Variants in DIP2A observed in about 807,000 individuals in gnomAD.
DIP2A encodes the protein DIP2 acetate--CoA ligase A, also known as disco-interacting protein 2 homolog A.
Under a neutral mutation model 177.4 loss-of-function variants are expected in DIP2A, and 85 were observed. That is an observed-to-expected ratio of 0.48 (90% confidence interval 0.40 to 0.57). DIP2A has a LOEUF of 0.57. DIP2A is among the 20% of genes least tolerant of loss of function. The probability of loss-of-function intolerance (pLI) is 0.00; values close to 1 mark genes in which losing one functional copy is unlikely to be tolerated. For synonymous variants in DIP2A, 886 were observed against 881.8 expected, an observed-to-expected ratio of 1.00 and a Z score of -0.08; for missense variants, 1,791 against 2,100.2, an observed-to-expected ratio of 0.85 and a Z score of 2.88.
chr21:46,557,698 A>G lies in DIP2A; in HGVS notation c.3743A>G (p.Tyr1248Cys), dbSNP rs1342577826. 3 of 1,613,302 alleles carry G rather than the reference A, an allele frequency of 1.9e-6. No individual in the cohort carries two copies. Among genetic ancestry groups the G allele is most frequent in the Middle Eastern group, 1.7e-4 (1 of 6,060 alleles). Reference protein sequence around the residue: ...QYKARVTFCSYSVMEMCTKGL... With the variant: ...QYKARVTFCSCSVMEMCTKGL... ...AAGGCCCGCGTCACCTTCTGCTCCT[A>G]CTCTGTGATGGAGATGTGCACCAAG... Residue 1248 changes from tyrosine (Y) to cysteine (C), a missense_variant, in exon 31 of 38, where the codon TAC becomes TGC. Physicochemically the swap from Tyr to Cys is radical, Grantham distance 194. Coordinates refer to ENST00000417564, the MANE Select transcript of DIP2A (RefSeq NM_015151.4). The surrounding 1 kb of genome is among the most constrained non-coding windows in gnomAD (Gnocchi z 6.0).
chr21:46,550,774 C>G (rs767603794), intron 23 of DIP2A, 30 bp downstream of exon 23: 12 of 1,609,048 alleles, frequency 7.5e-6, no homozygotes, highest in Non-Finnish European at 9.4e-6. Context: ...AGGATGCTCT[C>G]TAGTCTAACA....
At chr21:46,530,758 G>T (rs771952419) in intron 9 of DIP2A, among the ~76,000 whole-genome samples, 1 of 152,094 alleles carries the variant, frequency 6.6e-6, no homozygotes, top group Non-Finnish European at 1.5e-5. Flanking sequence ...ACACCAAAAC[G>T]CATGCCCATA....
chr21:46,550,566 G>C lies in DIP2A; in HGVS notation c.2661G>C (p.Val887=). 3 of 1,613,414 alleles carry C rather than the reference G, an allele frequency of 1.9e-6. No homozygotes were observed. The Middle Eastern group carries it at 5.0e-4, about 266-fold the overall frequency. The part of the protein sequence containing the change: ...VLQAIDSIHQ[V]GVYCLALVPA... ...AGGCCATTGATAGCATCCACCAGGT[G>C]GGCGTGTACTGTCTGGCCCTGGTTC... The change falls in exon 23 of 38, where the codon GTG becomes GTC. Residue 887 remains valine, a synonymous_variant. Coordinates refer to ENST00000417564, the MANE Select transcript of DIP2A (RefSeq NM_015151.4).
chr21:46,463,651 G>A (rs1247144685), intron 1 of DIP2A, among the ~76,000 whole-genome samples: 2 of 150,856 alleles, frequency 1.3e-5, no homozygotes, highest in Non-Finnish European at 3.0e-5. Flanking sequence ...CTCTTTAACT[G>A]TCTTTAATTT....
downstream of DIP2A, among the ~76,000 whole-genome samples, chr21:46,570,545 T>C (rs1335511267): frequency 2.0e-5 from 3 of 152,230 alleles, no homozygotes; most frequent in Middle Eastern, 3.4e-3. Context: ...TTGTGGGTTA[T>C]TTGTATTTTG....
intron 26 of DIP2A, 114 bp downstream of exon 26, chr21:46,554,406 T>G: frequency 6.4e-7 from 1 of 1,553,644 alleles, no homozygotes; most frequent in Non-Finnish European, 8.7e-7. Flanking sequence ...GCTCAGCCCC[T>G]CCTCTCTGCA....
chr21:46,547,147 C>A, intron 21 of DIP2A, 105 bp downstream of exon 21: 2 of 1,488,694 alleles, frequency 1.3e-6, no homozygotes, highest in Admixed American at 2.4e-5. Flanking sequence ...ATTCACAAAG[C>A]CTAAAAATTG....
At chr21:46,554,985 A>AGGTGT in intron 28 of DIP2A, 52 bp downstream of exon 28, 9 of 1,518,418 alleles carry the variant, frequency 5.9e-6, no homozygotes, top group Non-Finnish European at 8.0e-6. Flanking sequence ...TCTTTGTTGT[A>AGGTGT]GGTGTGGTGT....
Position 46,539,781 on chromosome 21 carries a change from T to C in DIP2A, c.1922-96T>C, listed in dbSNP as rs775120085. 118 of 1,011,124 alleles carry C rather than the reference T, an allele frequency of 1.2e-4. No individual in the cohort carries two copies. The African/African-American group carries it at 1.7e-3, about 15-fold the overall frequency. The allele number at this position is 1,011,124 out of a possible 1,614,324, so 62.6% of individuals were successfully genotyped here. ...TGCTGATGCAGCCCTGTGGTTCCGA[T>C]GGCCGCAGGCTGCGCTAACTTGAGC... On this transcript the variant is annotated intron_variant, in intron 16 of 37. Transcript: ENST00000417564.
chr21:46,529,299 A>T (rs1601693556), intron 9 of DIP2A, 116 bp downstream of exon 9: 3 of 712,808 alleles, frequency 4.2e-6, no homozygotes, highest in Non-Finnish European at 4.5e-6. Flanking sequence ...AATACAAGGG[A>T]TTTAAAATCA....
chr21:46,466,433 C>T (rs2054839696), intron 1 of DIP2A, among the ~76,000 whole-genome samples: 1 of 145,222 alleles, frequency 6.9e-6, no homozygotes, highest in Non-Finnish European at 1.5e-5. Context: ...ACTGCAACCT[C>T]TGCCTCCCAG....
chr21:46,558,802 A>T (rs757427020), intron 32 of DIP2A: 36 of 268,468 alleles, frequency 1.3e-4, no homozygotes, highest in Non-Finnish European at 2.1e-4. Context: ...TATTAAAAGG[A>T]AGCACCAAGT....
At chr21:46,462,096 G>A (rs528648156) in intron 1 of DIP2A, among the ~76,000 whole-genome samples, 24 of 152,256 alleles carry the variant, frequency 1.6e-4, no homozygotes, top group African/African-American at 5.3e-4. Flanking sequence ...TAGTAGAGTG[G>A]CAGCCAAGGA....
intron 1 of DIP2A, among the ~76,000 whole-genome samples, chr21:46,480,300 CTT>C (rs1270344240): frequency 3.3e-5 from 5 of 152,100 alleles, no homozygotes; most frequent in Admixed American, 1.3e-4. Context: ...GGGAACTGTC[CTT>C]TTATAAAACC....
chr21:46,559,444 G>GC (rs1460421629), intron 32 of DIP2A, among the ~76,000 whole-genome samples: 1 of 152,250 alleles, frequency 6.6e-6, no homozygotes. Flanking sequence ...GCAGGGCAGG[G>GC]CGGGGGCTCT....
chr21:46,531,097 A>G (rs1188772519), intron 9 of DIP2A, among the ~76,000 whole-genome samples: 1 of 152,062 alleles, frequency 6.6e-6, no homozygotes, highest in Non-Finnish European at 1.5e-5. Context: ...TGCAAGCAGG[A>G]GGACCACAGT....
rs200773369 is a variant in DIP2A at position 46,550,667 on chromosome 21, C to T, written c.2762C>T (p.Thr921Met). The stretch of plus-strand genomic sequence containing the variant: ...ACCAAACAGCGCTTTCTGGAAGGGA[C>T]GCTGCACCCGTGTAATGTGCTGATG... ...SETKQRFLEG[T>M]LHPCNVLMCP... is the part of the protein sequence containing the mutation. Residue 921 changes from threonine to methionine, a missense_variant, in exon 23 of 38, where the codon ACG becomes ATG. Thr to Met is a moderately conservative substitution (Grantham distance 81). Coordinates refer to ENST00000417564, the MANE Select transcript of DIP2A (RefSeq NM_015151.4). 227 of 1,614,026 alleles carry T rather than the reference C, an allele frequency of 1.4e-4. No homozygotes were observed. Among genetic ancestry groups the T allele is most frequent in the Admixed American group, 4.5e-4 (27 of 60,022 alleles).
In DIP2A at chr21:46,528,527, C is replaced by CTTTTTTTTTTTTTTTTTTTT. The variant is rs1162872343; in HGVS notation, c.1103-543_1103-524dup. Among the ~76,000 whole-genome samples the CTTTTTTTTTTTTTTTTTTTT allele has an allele frequency of 3.7e-4, 11 of 29,404 alleles. 3 individuals are homozygous for CTTTTTTTTTTTTTTTTTTTT. Among genetic ancestry groups the CTTTTTTTTTTTTTTTTTTTT allele is most frequent in the Non-Finnish European group, 5.6e-4 (10 of 17,974 alleles). The allele number at this position is 29,404 out of a possible 152,430, so 19.3% of individuals were successfully genotyped here. ...ACCAAATACTGACTTTTTCTGCTTGCTTTTTTTTTTTTTTTTTTTTTTTTT... is the reference window on the plus strand; with the variant it reads ...ACCAAATACTGACTTTTTCTGCTTGCTTTTTTTTTTTTTTTTTTTTTTTTTTTTTTTTTTTTTTTTTTTTT... On this transcript the variant is annotated intron_variant, in intron 8 of 37. Coordinates refer to ENST00000417564, the MANE Select transcript of DIP2A (RefSeq NM_015151.4).
intron 1 of DIP2A, among the ~76,000 whole-genome samples, chr21:46,467,549 T>A (rs4819254): frequency 0.057 from 8,748 of 152,210 alleles, 325 homozygotes; most frequent in Non-Finnish European, 0.082. Flanking sequence ...TTTCTTTATA[T>A]TTTTTGTAAC....
Sources: gnomAD v4.1 joint callset for allele counts (sites outside exome capture counted in the v4.1 genomes callset) on GRCh38, gnomAD v4.1.1 for gene constraint, Gnocchi (gnomAD v3.1) non-coding constraint, MANE v1.5 for transcripts, NCBI Gene and HGNC (gene_info 2026-07-23, HGNC 2026-07-21) for gene names.